The following CNTN4 variants were observed in gnomAD, a reference collection of about 807,000 sequenced individuals.
The protein encoded by CNTN4 is contactin 4.
Under a neutral mutation model 122.5 loss-of-function variants are expected in CNTN4, and 77 were observed. That is an observed-to-expected ratio of 0.63 (90% confidence interval 0.52 to 0.76). The LOEUF (loss-of-function observed/expected upper bound fraction) is 0.76. Ranked by LOEUF, CNTN4 falls within the 30% of genes least tolerant of loss-of-function variation. The probability of loss-of-function intolerance (pLI) is 0.00; values close to 1 mark genes in which losing one functional copy is unlikely to be tolerated. For missense variants in CNTN4, 1,256 were observed against 1,259.1 expected, an observed-to-expected ratio of 1.00 and a Z score of 0.04; for synonymous variants, 512 against 447.0, an observed-to-expected ratio of 1.15 and a Z score of -1.83.
chr3:2,490,330 C>G (rs1278385181), intron 3 of CNTN4, among the ~76,000 whole-genome samples: 1 of 152,104 alleles, frequency 6.6e-6, no homozygotes, highest in African/African-American at 2.4e-5. Flanking sequence ...CTTTGAAGTA[C>G]CACCTAGTTA....
chr3:2,582,959 C>T (rs1576092622), intron 4 of CNTN4, among the ~76,000 whole-genome samples: 1 of 148,540 alleles, frequency 6.7e-6, no homozygotes, highest in South Asian at 2.1e-4. Context: ...AGAATGATGT[C>T]AAATAGATTT....
At chr3:2,958,603 A>G (rs1016282783) in intron 13 of CNTN4, among the ~76,000 whole-genome samples, 1 of 152,186 alleles carries the variant, frequency 6.6e-6, no homozygotes, top group African/African-American at 2.4e-5. Flanking sequence ...TAGCTTACAA[A>G]ATGTAAGCAT....
intron 13 of CNTN4, among the ~76,000 whole-genome samples, chr3:2,942,565 C>A (rs2094626362): frequency 6.6e-6 from 1 of 152,090 alleles, no homozygotes; most frequent in Admixed American, 6.6e-5. Flanking sequence ...ATGGAGGACA[C>A]CTTAGTAAAT....
chr3:2,605,993 AG>A (rs1303627879), intron 4 of CNTN4, among the ~76,000 whole-genome samples: 1 of 152,216 alleles, frequency 6.6e-6, no homozygotes, highest in Non-Finnish European at 1.5e-5. Flanking sequence ...CTAAGGCCTG[AG>A]CCAAGAGGAC....
chr3:2,657,639 C>T (rs536720618), intron 4 of CNTN4, among the ~76,000 whole-genome samples: 24 of 152,062 alleles, frequency 1.6e-4, no homozygotes, highest in Admixed American at 4.6e-4. Context: ...GCATGGGGTG[C>T]GTATGCGCAG....
chr3:2,772,282 C>T (rs2091136007), intron 6 of CNTN4, among the ~76,000 whole-genome samples: 1 of 151,796 alleles, frequency 6.6e-6, no homozygotes, highest in African/African-American at 2.4e-5. Flanking sequence ...ATATCGCAGG[C>T]AAGAAATAAT....
At chr3:2,781,867 G>A (rs1455943021) in intron 6 of CNTN4, among the ~76,000 whole-genome samples, 5 of 83,832 alleles carry the variant, frequency 6.0e-5, no homozygotes, top group East Asian at 1.0e-3. Flanking sequence ...TGGGACTGCA[G>A]GCGCCCGCAC....
At chr3:2,316,989 C>T (rs937222991) in intron 2 of CNTN4, among the ~76,000 whole-genome samples, 1 of 152,192 alleles carries the variant, frequency 6.6e-6, no homozygotes, top group Non-Finnish European at 1.5e-5. Flanking sequence ...TCCCCCATGC[C>T]TTCCTTTCTT....
intron 2 of CNTN4, among the ~76,000 whole-genome samples, chr3:2,184,295 C>A (rs941215456): frequency 9.9e-5 from 15 of 152,072 alleles, no homozygotes; most frequent in African/African-American, 3.4e-4. Flanking sequence ...CTGAAATTTT[C>A]ATTAAAAGGA....
intron 3 of CNTN4, among the ~76,000 whole-genome samples, chr3:2,414,921 G>GA (rs556362828): frequency 9.2e-4 from 140 of 152,240 alleles, no homozygotes; most frequent in African/African-American, 3.3e-3. Flanking sequence ...AAAGCACATA[G>GA]AAAGAAAATA....
At chr3:2,636,942 T>G (rs1163926423) in intron 4 of CNTN4, among the ~76,000 whole-genome samples, 1 of 124,324 alleles carries the variant, frequency 8.0e-6, no homozygotes, top group Non-Finnish European at 1.7e-5. Context: ...TTTTTTTGGT[T>G]TTTTTTTTTT....
intron 2 of CNTN4, among the ~76,000 whole-genome samples, chr3:2,236,762 G>T (rs534895378): frequency 6.6e-6 from 1 of 152,294 alleles, no homozygotes; most frequent in East Asian, 1.9e-4. Context: ...CTCTGCACTA[G>T]ACATCAGGAT....
At chr3:2,326,509 CACACACACACACACACACAA>C in intron 2 of CNTN4, among the ~76,000 whole-genome samples, 1 of 136,640 alleles carries the variant, frequency 7.3e-6, no homozygotes, top group Non-Finnish European at 1.6e-5. Flanking sequence ...CACACACACA[CACACACACACACACACACAA>C]TCTTACTGAT....
intron 3 of CNTN4, among the ~76,000 whole-genome samples, chr3:2,361,571 A>C (rs1459279279): frequency 1.3e-5 from 2 of 152,248 alleles, no homozygotes; most frequent in Non-Finnish European, 2.9e-5. Flanking sequence ...TTCAGCCCAC[A>C]CTAAAAAGGA....
chr3:2,865,070 A>G (rs910046521), intron 7 of CNTN4, among the ~76,000 whole-genome samples: 1 of 152,158 alleles, frequency 6.6e-6, no homozygotes, highest in African/African-American at 2.4e-5. Flanking sequence ...TTCCTCCCCC[A>G]GATTTTAGTT....
At chr3:2,866,645 C>A in intron 7 of CNTN4, 107 bp from the exon 8 acceptor site, 1 of 1,247,622 alleles carries the variant, frequency 8.0e-7, no homozygotes, top group African/African-American at 1.5e-5. Context: ...GAAAAAGAGT[C>A]ATTGGACAAC....
chr3:2,773,761 A>ATTTTTTT (rs2091200953), intron 6 of CNTN4, among the ~76,000 whole-genome samples: 5 of 32,106 alleles, frequency 1.6e-4, no homozygotes, highest in Admixed American at 1.2e-3. Flanking sequence ...AATGTAGTAG[A>ATTTTTTT]CTTTTTTTTT....
intron 2 of CNTN4, among the ~76,000 whole-genome samples, chr3:2,257,392 G>C (rs1288761990): frequency 6.6e-6 from 1 of 152,168 alleles, no homozygotes; most frequent in Non-Finnish European, 1.5e-5. Flanking sequence ...AAGACTTCAT[G>C]ACTAAGACAC....
At chr3:3,034,424 G>C (rs1483915819) in intron 16 of CNTN4, among the ~76,000 whole-genome samples, 1 of 152,168 alleles carries the variant, frequency 6.6e-6, no homozygotes, top group African/African-American at 2.4e-5. Flanking sequence ...GCCCCTAGAA[G>C]GAAGGGGCTG....
Sources: gnomAD v4.1 joint callset for allele counts (sites outside exome capture counted in the v4.1 genomes callset) on GRCh38, gnomAD v4.1.1 for gene constraint, MANE v1.5 for transcripts, NCBI Gene and HGNC (gene_info 2026-07-23, HGNC 2026-07-21) for gene names.